The following FAM47E variants were observed in gnomAD, a reference collection of about 807,000 sequenced individuals.
FAM47E encodes protein FAM47E.
FAM47E carries 32 observed loss-of-function variants against 41.6 expected under a neutral mutation model. The ratio of observed to expected loss-of-function variants is 0.77; its 90% CI spans 0.58 to 1.03. FAM47E has a LOEUF of 1.03. Ranked by LOEUF, FAM47E falls within the 50% of genes least tolerant of loss-of-function variation. The pLI is 0.00. For synonymous variants in FAM47E, 184 were observed against 188.7 expected (o/e 0.98, Z 0.20); for missense variants, 424 against 485.4 (o/e 0.87, Z 1.19).
chr4:76,231,176 A>T (rs978693456), intron 2 of FAM47E, among the ~76,000 whole-genome samples: 1 of 152,230 alleles, frequency 6.6e-6, no homozygotes, highest in African/African-American at 2.4e-5. Flanking sequence ...AGCTATAGTT[A>T]TGCTTGCTAA....
chr4:76,217,422 G>A (rs1733227108), intron 1 of FAM47E, among the ~76,000 whole-genome samples: 1 of 152,164 alleles, frequency 6.6e-6, no homozygotes, highest in South Asian at 2.1e-4. Flanking sequence ...TGGGTCCTGA[G>A]GAGAGATTGT....
At chr4:76,258,832 T>C (rs547833028) in intron 2 of FAM47E, among the ~76,000 whole-genome samples, 1 of 152,322 alleles carries the variant, frequency 6.6e-6, no homozygotes, top group African/African-American at 2.4e-5. Flanking sequence ...TCGTGGTAGG[T>C]GGACCTATTA....
chr4:76,238,082 C>T (rs746586470), intron 2 of FAM47E, among the ~76,000 whole-genome samples: 19 of 152,186 alleles, frequency 1.2e-4, no homozygotes, highest in Non-Finnish European at 2.4e-4. Flanking sequence ...AGGCCAGACC[C>T]GGGAGGCTTT....
At chr4:76,254,091 GTA>G (rs1398612390) in intron 1 of FAM47E, among the ~76,000 whole-genome samples, 1 of 147,764 alleles carries the variant, frequency 6.8e-6, no homozygotes, top group Non-Finnish European at 1.5e-5. Context: ...AATTGCCACT[GTA>G]CCCTAGCTTG....
rs1013930734 is a variant in FAM47E at position 76,215,512 on chromosome 4, T to C, written c.-30+1088T>C. On this transcript the variant is annotated intron_variant, in intron 1 of 7. Coordinates refer to the FAM47E transcript ENST00000510197. ...TGGTTTAAAAATGGTGGCAAATTAT[T>C]TGTTACTCCTTTCGTTGAGAGGTGG... Among the ~76,000 whole-genome samples the C allele has an allele frequency of 4.6e-5, 7 of 152,344 alleles. No individual in the cohort carries two copies. In the South Asian group the frequency reaches 1.4e-3, roughly 32 times the overall value.
At position 76,262,423 on chromosome 4, in the gene FAM47E, C is replaced by T. The variant is rs374653250; in HGVS notation, c.421-1281C>T. On this transcript the variant is annotated intron_variant, in intron 2 of 7. Transcript: ENST00000424749. ...TTCTTCTTAGCTTTTTTTTAGTGCC[C>T]CCCACACTATTTTAAATTGTAAGTG... Among the ~76,000 whole-genome samples the T allele has an allele frequency of 1.4e-3, 217 of 151,792 alleles. 5 individuals are homozygous for T. The South Asian group carries it at 0.041, about 29-fold the overall frequency.
chr4:76,279,186 A>G (rs1735249891), intron 6 of FAM47E: 1 of 152,160 alleles, frequency 6.6e-6, no homozygotes, highest in South Asian at 2.1e-4. Flanking sequence ...TGTTTGGCAG[A>G]ATTTCTTAGT....
In FAM47E at chr4:76,280,295, T is replaced by C. The variant is rs1352047049; in HGVS notation, c.1058T>C (p.Val353Ala). The change falls in exon 7 of 8, where the codon GTT becomes GCT. Residue 353 changes from valine to alanine, a missense_variant. Transcript: ENST00000424749. The stretch of plus-strand genomic sequence containing the variant: ...TTACTTGCAGACCTTCACGGAACAG[T>C]TGCCTTTAAGGATTTCATTCTAAGC... Reference protein sequence around the residue: ...EELLADLHGTVAFKDFILSRG... With the variant: ...EELLADLHGTAAFKDFILSRG... 1.3e-6 allele frequency: 2 copies of C among 1,550,754 alleles called. No homozygotes were observed. The highest frequency in any genetic ancestry group is 2.7e-5 in the African/African-American group (2 of 73,032).
At chr4:76,247,301 C>T (rs1303486359), upstream of FAM47E, among the ~76,000 whole-genome samples, 1 of 152,064 alleles carries the variant, frequency 6.6e-6, no homozygotes, top group Non-Finnish European at 1.5e-5. Flanking sequence ...GAATAATTTT[C>T]CATGTATGTA....
chr4:76,271,858 A>G, intron 5 of FAM47E, 90 bp downstream of exon 5: 1 of 1,388,790 alleles, frequency 7.2e-7, no homozygotes. Context: ...TGTCATGGGT[A>G]CTGGTTTTTT....
At chr4:76,281,506 A>G (rs1470376976) in intron 7 of FAM47E, 3 of 151,602 alleles carry the variant, frequency 2.0e-5, no homozygotes, top group East Asian at 3.9e-4. Flanking sequence ...ATATGCATCT[A>G]TAGCTTTAAT....
chr4:76,223,849 CAGAGTG>C (rs71907066), intron 2 of FAM47E, among the ~76,000 whole-genome samples: 9,065 of 152,176 alleles, frequency 0.06, 836 homozygotes, highest in African/African-American at 0.2. Flanking sequence ...TTTCCACCCT[CAGAGTG>C]AGTCTCCCTG....
chr4:76,249,787 C>A (rs1361564891), upstream of FAM47E, among the ~76,000 whole-genome samples: 2 of 152,026 alleles, frequency 1.3e-5, no homozygotes, highest in African/African-American at 4.8e-5. Context: ...TGAGAATGTA[C>A]AATGTTTGGT....
At chr4:76,262,440 T>A (rs1000434006) in intron 2 of FAM47E, among the ~76,000 whole-genome samples, 8 of 152,206 alleles carry the variant, frequency 5.3e-5, no homozygotes, top group African/African-American at 1.9e-4. Flanking sequence ...CTATTTTAAA[T>A]TGTAAGTGTT....
intron 2 of FAM47E, among the ~76,000 whole-genome samples, chr4:76,243,625 C>A (rs1311750348): frequency 6.6e-6 from 1 of 152,084 alleles, no homozygotes; most frequent in African/African-American, 2.4e-5. Flanking sequence ...TATGCAAGAC[C>A]CTCTCTTATT....
chr4:76,227,935 A>T (rs151208966), intron 2 of FAM47E, among the ~76,000 whole-genome samples: 1 of 152,294 alleles, frequency 6.6e-6, no homozygotes, highest in East Asian at 1.9e-4. Context: ...GCATTAGGTG[A>T]GTCTCTTGAA....
At chr4:76,248,665 GAATA>G (rs914029740), upstream of FAM47E, among the ~76,000 whole-genome samples, 1 of 152,068 alleles carries the variant, frequency 6.6e-6, no homozygotes, top group African/African-American at 2.4e-5. Flanking sequence ...AGTGTTTGCT[GAATA>G]AATAAATAAG....
intron 2 of FAM47E, among the ~76,000 whole-genome samples, chr4:76,228,731 T>C (rs934473896): frequency 4.6e-5 from 7 of 152,082 alleles, no homozygotes; most frequent in Admixed American, 2.0e-4. Context: ...ATTAATCTGA[T>C]AGATTTTCCT....
chr4:76,248,861 A>G (rs1472339410), upstream of FAM47E, among the ~76,000 whole-genome samples: 1 of 152,128 alleles, frequency 6.6e-6, no homozygotes, highest in East Asian at 1.9e-4. Context: ...AAGTGAGTAT[A>G]TGTTATTTAA....
Sources: allele counts gnomAD v4.1 joint callset (sites outside exome capture counted in the v4.1 genomes callset), GRCh38; gene constraint gnomAD v4.1.1; transcripts MANE v1.5; gene names NCBI Gene and HGNC (gene_info 2026-07-23, HGNC 2026-07-21).